The following SMAD4 variants were observed in gnomAD, a reference collection of about 807,000 sequenced individuals.
SMAD4 encodes MAD homolog 4.
SMAD4 carries 7 observed loss-of-function variants against 63.2 expected under a neutral mutation model. The observed-to-expected ratio is 0.11, with a 90% CI of 0.06 to 0.21. SMAD4 has a LOEUF of 0.21. SMAD4 is among the 10% of genes least tolerant of loss of function. The pLI, the probability that SMAD4 is intolerant of heterozygous loss-of-function variation, is 1.00. For synonymous variants in SMAD4, 215 were observed against 235.4 expected (o/e 0.91, Z 0.79); for missense variants, 312 against 693.8 (o/e 0.45, Z 6.18).
chr18:51,057,169 A>G (rs1445604345), intron 5 of SMAD4, among the ~76,000 whole-genome samples: 2 of 152,218 alleles, frequency 1.3e-5, no homozygotes, highest in Non-Finnish European at 2.9e-5. Context: ...ACTTTGAGCA[A>G]TGGTGACATG....
At chr18:51,035,761 A>C (rs1468935816) in intron 1 of SMAD4, among the ~76,000 whole-genome samples, 1 of 152,166 alleles carries the variant, frequency 6.6e-6, no homozygotes, top group African/African-American at 2.4e-5. Context: ...CTCTCCATTT[A>C]CATCACCTGA....
intron 1 of SMAD4, among the ~76,000 whole-genome samples, chr18:51,040,223 G>A (rs574276703): frequency 2.6e-5 from 4 of 152,140 alleles, no homozygotes; most frequent in African/African-American, 4.8e-5. Context: ...TCAGGAGATC[G>A]AGACCATCCT....
At chr18:51,049,609 TTTGAG>T in intron 4 of SMAD4, 1 of 376,022 alleles carries the variant, frequency 2.7e-6, no homozygotes, top group Non-Finnish European at 4.8e-6. Context: ...AAGAATATTT[TTTGAG>T]TTAAGACCTA....
Position 51,078,957 on chromosome 18 carries a change from A to G in SMAD4, c.*490A>G, listed in dbSNP as rs1457933185. ...CCATGTGGGTGAGTTAATTTTACCAAGAGTAACTTTACTCTGTGTTTAAAA... is the reference window on the plus strand; with the variant it reads ...CCATGTGGGTGAGTTAATTTTACCAGGAGTAACTTTACTCTGTGTTTAAAA... On this transcript the variant is annotated 3_prime_UTR_variant, in exon 12 of 12. Coordinates refer to ENST00000342988, the MANE Select transcript of SMAD4 (RefSeq NM_005359.6). 3 of 235,154 alleles carry G rather than the reference A, an allele frequency of 1.3e-5. No individual in the cohort carries two copies. The highest frequency in any genetic ancestry group is 2.5e-5 in the Non-Finnish European group (3 of 119,198). The allele number at this position is 235,154 out of a possible 1,614,324, so 14.6% of individuals were successfully genotyped here.
At position 51,079,338 on chromosome 18, in the gene SMAD4, G is replaced by A. The variant is rs1599206336; in HGVS notation, c.*871G>A. ...TTTTGTATTTTTTAAAACACTAAAA[G>A]CAGCGTCACTCTACCTAATGTCTCA... On this transcript the variant is annotated 3_prime_UTR_variant, in exon 12 of 12. Coordinates refer to ENST00000342988, the MANE Select transcript of SMAD4 (RefSeq NM_005359.6). The A allele has an allele frequency of 4.3e-6, 1 of 233,348 alleles. No individual in the cohort carries two copies. The highest frequency in any genetic ancestry group is 6.1e-5 in the East Asian group (1 of 16,470). 14.5% of individuals were successfully genotyped at this position (233,348 alleles called of 1,614,324 possible). A position where few individuals can be genotyped will look rare whatever the true frequency, so the allele number is the denominator to read the frequency against.
chr18:51,074,529 G>T (rs1015953873), intron 10 of SMAD4, among the ~76,000 whole-genome samples: 1 of 152,182 alleles, frequency 6.6e-6, no homozygotes, highest in Non-Finnish European at 1.5e-5. Context: ...TGATGTGTCA[G>T]TGTAAATTCA....
chr18:51,035,224 C>T (rs1909169807), intron 1 of SMAD4, among the ~76,000 whole-genome samples: 1 of 152,152 alleles, frequency 6.6e-6, no homozygotes, highest in Non-Finnish European at 1.5e-5. Flanking sequence ...TTTGAACTGT[C>T]TGGTAGTAAG....
At position 51,079,909 on chromosome 18, in the gene SMAD4, T is replaced by TC. The variant is rs1568211978; in HGVS notation, c.*1445dup. 8.6e-6 allele frequency: 2 copies of TC among 232,446 alleles called. No individual in the cohort carries two copies. The highest frequency in any genetic ancestry group is 4.4e-5 in the African/African-American group (2 of 45,282). 14.4% of individuals were successfully genotyped at this position (232,446 alleles called of 1,614,324 possible). A position where few individuals can be genotyped will look rare whatever the true frequency, so the allele number is the denominator to read the frequency against. ...GTTCTATTGGGCAGCTTTGTTTTTT[T>TC]CCCTCACACTCTACCGGGACTTCCC... On this transcript the variant is annotated 3_prime_UTR_variant, in exon 12 of 12. Coordinates refer to ENST00000342988, the MANE Select transcript of SMAD4 (RefSeq NM_005359.6).
At chr18:51,066,402 A>C (rs1458485666) in intron 9 of SMAD4, among the ~76,000 whole-genome samples, 3 of 152,202 alleles carry the variant, frequency 2.0e-5, no homozygotes, top group Non-Finnish European at 4.4e-5. Flanking sequence ...GTGAAATATT[A>C]CAGGAACATT....
Position 51,065,459 on chromosome 18 carries a change from T to C in SMAD4, c.992T>C (p.Met331Thr). Residue 331 changes from methionine (M) to threonine (T), a missense_variant, in exon 9 of 12, where the codon ATG becomes ACG. Physicochemically the swap from Met to Thr is moderately conservative, Grantham distance 81 (BLOSUM62 -1). Transcript: ENST00000342988. ...EYWCSIAYFE[M>T]DVQVGETFKV... The stretch of plus-strand genomic sequence containing the variant: ...TGGTGTTCCATTGCTTACTTTGAAA[T>C]GGATGTTCAGGTAGGAGAGACATTT... 1 of 1,614,082 alleles carries C rather than the reference T, an allele frequency of 6.2e-7. No individual in the cohort carries two copies. Among genetic ancestry groups the C allele is most frequent in the Non-Finnish European group, 8.5e-7 (1 of 1,179,962 alleles).
chr18:51,074,296 C>T (rs1910414874), intron 10 of SMAD4, among the ~76,000 whole-genome samples: 1 of 151,870 alleles, frequency 6.6e-6, no homozygotes, highest in South Asian at 2.1e-4. Flanking sequence ...TGGGAGGACC[C>T]TTGAGCCCAG....
rs1165545733 is a variant in SMAD4, at chr18:51,084,262, G to A, written c.*5795G>A. ...ATTGAAAACCTGTTGTTAATGCTTA[G>A]TGATATTATGCTCAAAACAAGGAAA... is the stretch of plus-strand genomic sequence containing the variant. On this transcript the variant is annotated 3_prime_UTR_variant, in exon 12 of 12. Transcript: ENST00000342988. The A allele has an allele frequency of 4.4e-6, 1 of 228,976 alleles. No individual in the cohort carries two copies. The allele number at this position is 228,976 out of a possible 1,614,324, so 14.2% of individuals were successfully genotyped here. A position where few individuals can be genotyped will look rare whatever the true frequency, so the allele number is the denominator to read the frequency against.
At chr18:51,031,452 T>C (rs1909048308) in intron 1 of SMAD4, among the ~76,000 whole-genome samples, 1 of 152,230 alleles carries the variant, frequency 6.6e-6, no homozygotes, top group Non-Finnish European at 1.5e-5. Context: ...TTTGTTTTTA[T>C]TTAAAAAAAC....
chr18:51,066,644 A>G (rs1291758694), intron 9 of SMAD4, among the ~76,000 whole-genome samples: 1 of 152,214 alleles, frequency 6.6e-6, no homozygotes, highest in Non-Finnish European at 1.5e-5. Context: ...CACTTGATTG[A>G]CTAATCGGAT....
chr18:51,039,619 T>G (rs1473177535), intron 1 of SMAD4, among the ~76,000 whole-genome samples: 1 of 151,838 alleles, frequency 6.6e-6, no homozygotes, highest in Non-Finnish European at 1.5e-5. Context: ...CTGGGAATTG[T>G]CCCACCTGGC....
intron 10 of SMAD4, among the ~76,000 whole-genome samples, chr18:51,069,811 C>G (rs929966064): frequency 6.6e-6 from 1 of 152,190 alleles, no homozygotes; most frequent in African/African-American, 2.4e-5. Flanking sequence ...TTGTAGCCCC[C>G]AGAGAGTTTG....
Position 51,065,474 on chromosome 18 carries a change from G to T in SMAD4, c.1007G>T (p.Gly336Val), listed in dbSNP as rs1060500732. 6.2e-7 allele frequency: 1 copy of T among 1,614,050 alleles called. No homozygotes were observed. Among genetic ancestry groups the T allele is most frequent in the Non-Finnish European group, 8.5e-7 (1 of 1,179,928 alleles). The change falls in exon 9 of 12, where the codon GGA becomes GTA. Residue 336 changes from glycine (G) to valine (V), a missense_variant. Coordinates refer to ENST00000342988, the MANE Select transcript of SMAD4 (RefSeq NM_005359.6). ...TACTTTGAAATGGATGTTCAGGTAG[G>T]AGAGACATTTAAGGTTCCTTCAAGC... ...IAYFEMDVQV[G>V]ETFKVPSSCP...
chr18:51,050,658 CAAA>C (rs796225213), intron 4 of SMAD4, among the ~76,000 whole-genome samples: 4,243 of 84,718 alleles, frequency 0.05, 236 homozygotes, highest in African/African-American at 0.15. Flanking sequence ...GACTCTGTCT[CAAA>C]AAAAAAAAAA....
Position 51,059,920 on chromosome 18 carries a change from A to G in SMAD4, c.955+4A>G, listed in dbSNP as rs760962650. On this transcript the variant is annotated splice_donor_region_variant and intron_variant, in intron 8 of 11. Coordinates refer to ENST00000342988, the MANE Select transcript of SMAD4 (RefSeq NM_005359.6). ...CCTCCCATTTCCAATCATCCTGGTA[A>G]GTGTATTTCAAAATTGATTTCCTGT... The G allele has an allele frequency of 6.2e-7, 1 of 1,604,144 alleles. No individual in the cohort carries two copies. The highest frequency in any genetic ancestry group is 1.1e-5 in the South Asian group (1 of 90,912).
Sources: gnomAD v4.1 joint callset for allele counts (sites outside exome capture counted in the v4.1 genomes callset) on GRCh38, gnomAD v4.1.1 for gene constraint, MANE v1.5 for transcripts, NCBI Gene and HGNC (gene_info 2026-07-23, HGNC 2026-07-21) for gene names.